The following ARHGAP10 variants were observed in gnomAD, a reference collection of about 807,000 sequenced individuals.
The protein encoded by ARHGAP10 is Rho GTPase activating protein 10, also known as rho GTPase-activating protein 10.
A neutral mutation model predicts 108.6 loss-of-function variants in ARHGAP10; 87 were observed. The ratio of observed to expected loss-of-function variants is 0.80; its 90% CI spans 0.67 to 0.96. The LOEUF is 0.96. Among genes scored for constraint, ARHGAP10 ranks in the 40% least tolerant of loss-of-function variants. ARHGAP10 has a pLI of 0.00. For missense variants in ARHGAP10, 939 were observed against 954.5 expected, an observed-to-expected ratio of 0.98 and a Z score of 0.21; for synonymous variants, 347 against 341.1, an observed-to-expected ratio of 1.02 and a Z score of -0.19.
intron 20 of ARHGAP10, among the ~76,000 whole-genome samples, chr4:148,060,393 G>A (rs1210238939): frequency 1.6e-5 from 2 of 123,646 alleles, no homozygotes; most frequent in African/African-American, 6.2e-5. Context: ...TGGACAGGTT[G>A]CTTTTGGGAG....
intron 1 of ARHGAP10, among the ~76,000 whole-genome samples, chr4:147,798,065 G>C (rs1228197346): frequency 6.6e-6 from 1 of 152,016 alleles, no homozygotes; most frequent in Non-Finnish European, 1.5e-5. Context: ...TTAAGTGGCA[G>C]ATGAATAGTT....
chr4:147,875,901 G>C (rs1411566912), intron 8 of ARHGAP10, among the ~76,000 whole-genome samples: 3 of 152,200 alleles, frequency 2.0e-5, no homozygotes, highest in African/African-American at 7.2e-5. Context: ...TACGTCAACT[G>C]TACAACCCAA....
chr4:147,788,379 G>A (rs1456848278), intron 1 of ARHGAP10, among the ~76,000 whole-genome samples: 3 of 152,118 alleles, frequency 2.0e-5, no homozygotes, highest in African/African-American at 4.8e-5. Context: ...CCTGGGAGAC[G>A]GAGGTTGCAG....
intron 1 of ARHGAP10, among the ~76,000 whole-genome samples, chr4:147,750,617 G>A (rs1254841655): frequency 6.6e-6 from 1 of 150,568 alleles, no homozygotes; most frequent in Admixed American, 6.6e-5. Context: ...TTTTTTTTGG[G>A]GGGGGTTGTA....
intron 22 of ARHGAP10, 121 bp downstream of exon 22, chr4:148,064,628 T>C (rs1174859445): frequency 3.8e-6 from 3 of 799,036 alleles, no homozygotes; most frequent in African/African-American, 3.9e-5. Flanking sequence ...CCTTGATGCT[T>C]TGGACTGGAT....
chr4:147,838,949 A>G (rs1396033227), intron 3 of ARHGAP10, among the ~76,000 whole-genome samples: 1 of 152,218 alleles, frequency 6.6e-6, no homozygotes, highest in Non-Finnish European at 1.5e-5. Flanking sequence ...ATTTTAGGCT[A>G]AGATTCCTCA....
intron 18 of ARHGAP10, among the ~76,000 whole-genome samples, chr4:148,006,330 G>A (rs1457757171): frequency 6.6e-6 from 1 of 152,232 alleles, no homozygotes. Flanking sequence ...GACGTTAGCA[G>A]ACATGACGTG....
At chr4:147,880,879 G>T (rs568448586) in intron 9 of ARHGAP10, among the ~76,000 whole-genome samples, 99 of 138,792 alleles carry the variant, frequency 7.1e-4, no homozygotes, top group Middle Eastern at 3.4e-3. Flanking sequence ...TATTTTTTGT[G>T]ACATGTGGTA....
At chr4:147,748,605 T>C (rs1729023587) in intron 1 of ARHGAP10, among the ~76,000 whole-genome samples, 1 of 152,210 alleles carries the variant, frequency 6.6e-6, no homozygotes, top group Admixed American at 6.5e-5. Context: ...TTGATAATGA[T>C]GGTGGCTTGA....
chr4:147,987,031 C>A (rs534126616), intron 18 of ARHGAP10, among the ~76,000 whole-genome samples: 1 of 152,122 alleles, frequency 6.6e-6, no homozygotes, highest in Non-Finnish European at 1.5e-5. Flanking sequence ...GGGATTATTG[C>A]GGATTGAACT....
At chr4:147,993,922 G>A (rs866589654) in intron 18 of ARHGAP10, among the ~76,000 whole-genome samples, 13 of 152,246 alleles carry the variant, frequency 8.5e-5, no homozygotes, top group Admixed American at 3.3e-4. Context: ...CATGCAAACC[G>A]TGAATCAACA....
intron 1 of ARHGAP10, among the ~76,000 whole-genome samples, chr4:147,780,346 C>G (rs1339303222): frequency 6.6e-6 from 1 of 152,118 alleles, no homozygotes. Flanking sequence ...CAGTATCTAG[C>G]TACACCCCAA....
intron 18 of ARHGAP10, among the ~76,000 whole-genome samples, chr4:148,004,571 G>C (rs901190059): frequency 6.6e-6 from 1 of 152,194 alleles, no homozygotes; most frequent in Admixed American, 6.5e-5. Context: ...AATCAACCAC[G>C]TGAACTGTCT....
intron 20 of ARHGAP10, among the ~76,000 whole-genome samples, chr4:148,057,764 T>A (rs1729424661): frequency 6.6e-6 from 1 of 152,240 alleles, no homozygotes; most frequent in Non-Finnish European, 1.5e-5. Context: ...TCTCAGTGCC[T>A]GTATTATGGT....
chr4:147,854,852 ATGT>A (rs1734025255), intron 4 of ARHGAP10: 1 of 985,348 alleles, frequency 1.0e-6, no homozygotes, highest in Non-Finnish European at 1.2e-6. Context: ...GGTGGGTGTG[ATGT>A]TGTTATTGTT....
chr4:147,950,726 T>G (rs192179153), intron 15 of ARHGAP10, among the ~76,000 whole-genome samples: 1 of 152,276 alleles, frequency 6.6e-6, no homozygotes, highest in Non-Finnish European at 1.5e-5. Flanking sequence ...ACTTCTCATG[T>G]TTTAGAGAGC....
At chr4:148,042,514 C>G (rs1292410083) in intron 19 of ARHGAP10, among the ~76,000 whole-genome samples, 1 of 152,202 alleles carries the variant, frequency 6.6e-6, no homozygotes, top group Admixed American at 6.5e-5. Flanking sequence ...TTGATACTTT[C>G]TCGACCAGAG....
chr4:148,008,962 C>T (rs906661568), intron 18 of ARHGAP10, among the ~76,000 whole-genome samples: 1 of 151,908 alleles, frequency 6.6e-6, no homozygotes, highest in African/African-American at 2.4e-5. Flanking sequence ...ATTATTTTTG[C>T]TTTGGAAAAA....
At chr4:147,889,957 A>G in intron 10 of ARHGAP10, among the ~76,000 whole-genome samples, 1 of 152,224 alleles carries the variant, frequency 6.6e-6, no homozygotes, top group East Asian at 1.9e-4. Context: ...ATCACAGCTG[A>G]TATAATCCTG....
Sources: gnomAD v4.1 joint callset for allele counts (sites outside exome capture counted in the v4.1 genomes callset) on GRCh38, gnomAD v4.1.1 for gene constraint, MANE v1.5 for transcripts, NCBI Gene and HGNC (gene_info 2026-07-23, HGNC 2026-07-21) for gene names.